Variants in CNKSR3 observed in about 807,000 individuals in gnomAD.
CNKSR3 encodes CNKSR family member 3.
CNKSR3 carries 36 observed loss-of-function variants against 67.7 expected under a neutral mutation model. The observed-to-expected ratio is 0.53, with a 90% CI of 0.41 to 0.70. The LOEUF (loss-of-function observed/expected upper bound fraction) is 0.70. Ranked by LOEUF, CNKSR3 falls within the 30% of genes least tolerant of loss-of-function variation. The pLI, the probability that CNKSR3 is intolerant of heterozygous loss-of-function variation, is 0.00. For synonymous variants in CNKSR3, 281 were observed against 271.4 expected, an observed-to-expected ratio of 1.04 and a Z score of -0.35; for missense variants, 630 against 695.2, an observed-to-expected ratio of 0.91 and a Z score of 1.05.
chr6:154,479,916 G>A (rs1189844547), intron 1 of CNKSR3, among the ~76,000 whole-genome samples: 3 of 152,170 alleles, frequency 2.0e-5, no homozygotes, highest in Non-Finnish European at 4.4e-5. Context: ...TCCCTCACAC[G>A]GTGGTTAAGA....
rs1438792780 is a variant in CNKSR3 at position 154,394,226 on chromosome 6, C to G, written c.*12128G>C. On this transcript the variant is annotated 3_prime_UTR_variant, in exon 13 of 13. Transcript: ENST00000607772. ...GATAGGGTCTCACTATGGTGCCCAG[C>G]TGGTCTTGAACTTCTGGTCTCAAGC... 6.6e-6 allele frequency: 1 copy of G among 152,270 alleles called. No homozygotes were observed. Among genetic ancestry groups the G allele is most frequent in the East Asian group, 1.9e-4 (1 of 5,204 alleles). 9.4% of individuals were successfully genotyped at this position (152,270 alleles called of 1,614,324 possible).
intron 1 of CNKSR3, among the ~76,000 whole-genome samples, chr6:154,453,956 A>T (rs1366118157): frequency 6.6e-6 from 1 of 152,124 alleles, no homozygotes; most frequent in Non-Finnish European, 1.5e-5. Context: ...ACATAATTAA[A>T]TGTGAAGGAA....
chr6:154,436,326 C>A (rs1171673775), intron 4 of CNKSR3, among the ~76,000 whole-genome samples: 1 of 152,172 alleles, frequency 6.6e-6, no homozygotes, highest in Non-Finnish European at 1.5e-5. Flanking sequence ...CACACACCAC[C>A]ACGCTTGGCT....
intron 1 of CNKSR3, among the ~76,000 whole-genome samples, chr6:154,509,478 G>T (rs1292948441): frequency 6.6e-6 from 1 of 151,822 alleles, no homozygotes; most frequent in Non-Finnish European, 1.5e-5. Context: ...GCCTCCCGGG[G>T]AGTCCTGGCT....
chr6:154,435,780 C>A (rs1785458889), intron 4 of CNKSR3, among the ~76,000 whole-genome samples: 1 of 152,228 alleles, frequency 6.6e-6, no homozygotes, highest in Admixed American at 6.5e-5. Context: ...CTCAGCACCC[C>A]CCTGCCTCTC....
chr6:154,452,134 A>C (rs1785848019), intron 1 of CNKSR3, among the ~76,000 whole-genome samples: 1 of 152,194 alleles, frequency 6.6e-6, no homozygotes, highest in Admixed American at 6.5e-5. Context: ...CAGCCTCCTA[A>C]CTATTTTGTT....
rs186911920 is a variant in CNKSR3, at chr6:154,410,432, C to T, written c.1280G>A (p.Gly427Asp). ...AGGCATGGACAAAGGCCGTGGCTTG[C>T]CTTCAGAGGGACGAGAAAGAAGGTG... ...TKMREKTPSY[G>D]KPRPLSMPAD... The change falls in exon 12 of 13, where the codon GGC (glycine) becomes GAC (aspartate). Residue 427 changes from glycine to aspartate, a missense_variant and splice_region_variant. Physicochemically the swap from Gly to Asp is moderately conservative, Grantham distance 94. Coordinates refer to ENST00000607772, the MANE Select transcript of CNKSR3 (RefSeq NM_173515.4). 3.1e-4 allele frequency: 495 copies of T among 1,611,552 alleles called. No homozygotes were observed. Among genetic ancestry groups the T allele is most frequent in the Admixed American group, 1.4e-3 (82 of 59,998 alleles).
In CNKSR3 at chr6:154,450,005, T is replaced by A. The variant is rs138714206; in HGVS notation, c.216+90A>T. The A allele has an allele frequency of 3.9e-4, 477 of 1,213,382 alleles. 5 individuals are homozygous for A. In the East Asian group the frequency reaches 0.01, roughly 26 times the overall value. 75.2% of individuals were successfully genotyped at this position (1,213,382 alleles called of 1,614,324 possible). ...TTTTGATGGAGCATTAAGGAAAGAG[T>A]GATATGCTAAATCACAAACAATGAC... On this transcript the variant is annotated intron_variant, in intron 2 of 12. Transcript: ENST00000607772.
Position 154,411,675 on chromosome 6 carries a change from T to C in CNKSR3, c.1071-533A>G, listed in dbSNP as rs544385960. Among the ~76,000 whole-genome samples the C allele has an allele frequency of 2.6e-5, 4 of 152,092 alleles. No individual in the cohort carries two copies. In the East Asian group the frequency reaches 7.7e-4, roughly 29 times the overall value. ...AAAAAGAAGAGTAAATGCAGGGTTT[T>C]TTTTAATATCCAAACAAATATAGCT... is the stretch of plus-strand genomic sequence containing the variant. On this transcript the variant is annotated intron_variant, in intron 10 of 12. Transcript: ENST00000607772.
chr6:154,439,111 G>A (rs185855223), intron 4 of CNKSR3, among the ~76,000 whole-genome samples: 3 of 152,112 alleles, frequency 2.0e-5, no homozygotes, highest in Admixed American at 1.3e-4. Flanking sequence ...CTCTAGGCAC[G>A]TATCTCAAAC....
At position 154,400,438 on chromosome 6, in the gene CNKSR3, G is replaced by A. The variant is rs1406545136; in HGVS notation, c.*5916C>T. ...ATGGCCAAGTCACAACCAGAATTGA[G>A]TCCTTAATCACTGACCCCATGTGTA... On this transcript the variant is annotated 3_prime_UTR_variant, in exon 13 of 13. Transcript: ENST00000607772. 2.6e-5 allele frequency: 4 copies of A among 152,196 alleles called. No homozygotes were observed. Among genetic ancestry groups the A allele is most frequent in the Non-Finnish European group, 5.9e-5 (4 of 68,042 alleles). 9.4% of individuals were successfully genotyped at this position (152,196 alleles called of 1,614,324 possible).
At chr6:154,481,670 C>A (rs1177231266) in intron 1 of CNKSR3, among the ~76,000 whole-genome samples, 1 of 152,098 alleles carries the variant, frequency 6.6e-6, no homozygotes, top group Non-Finnish European at 1.5e-5. Context: ...GTGTTTTGTT[C>A]TTTTTAAAGG....
intron 1 of CNKSR3, among the ~76,000 whole-genome samples, chr6:154,491,310 A>G (rs13217240): frequency 0.25 from 38,739 of 152,124 alleles, 5,049 homozygotes; most frequent in Admixed American, 0.33. Context: ...AAACAAAGAC[A>G]GCCCCTGTCT....
chr6:154,452,974 C>G (rs1327500415), intron 1 of CNKSR3, among the ~76,000 whole-genome samples: 1 of 152,094 alleles, frequency 6.6e-6, no homozygotes, highest in Admixed American at 6.6e-5. Flanking sequence ...TTATGGCAGC[C>G]GAAGCAACAT....
chr6:154,404,390 C>G lies in CNKSR3; in HGVS notation c.*1964G>C, dbSNP rs1784750902. On this transcript the variant is annotated 3_prime_UTR_variant, in exon 13 of 13. Transcript: ENST00000607772. Reference sequence around the variant, plus strand: ...GATTTTTAGTAGAGACAGGGTTTCACCATGTTGGCCAGGCTGGTCTTGAAC... The same window carrying G: ...GATTTTTAGTAGAGACAGGGTTTCAGCATGTTGGCCAGGCTGGTCTTGAAC... 1 of 152,256 alleles carries G rather than the reference C, an allele frequency of 6.6e-6. No homozygotes were observed. Among genetic ancestry groups the G allele is most frequent in the South Asian group, 2.1e-4 (1 of 4,818 alleles). The allele number at this position is 152,256 out of a possible 1,614,324, so 9.4% of individuals were successfully genotyped here.
intron 1 of CNKSR3, among the ~76,000 whole-genome samples, chr6:154,453,809 T>A (rs1051579375): frequency 1.3e-5 from 2 of 152,224 alleles, no homozygotes; most frequent in African/African-American, 4.8e-5. Context: ...ATAAACCATA[T>A]TCTTTTACTT....
At position 154,388,741 on chromosome 6, in the gene CNKSR3, G is replaced by T. The variant is rs1784576184; in HGVS notation, c.*17613C>A. On this transcript the variant is annotated 3_prime_UTR_variant, in exon 13 of 13. Transcript: ENST00000607772. Reference sequence around the variant, plus strand: ...AGAGTTGATATCTCACGGTGGTTTTGATTTGCATTGCCCTGATGATCAGTG... The same window carrying T: ...AGAGTTGATATCTCACGGTGGTTTTTATTTGCATTGCCCTGATGATCAGTG... 6.6e-6 allele frequency: 1 copy of T among 152,084 alleles called. No homozygotes were observed. Among genetic ancestry groups the T allele is most frequent in the Non-Finnish European group, 1.5e-5 (1 of 68,028 alleles). 9.4% of individuals were successfully genotyped at this position (152,084 alleles called of 1,614,324 possible). A position where few individuals can be genotyped will look rare whatever the true frequency, so the allele number is the denominator to read the frequency against.
At chr6:154,430,952 T>C (rs1467582404) in intron 5 of CNKSR3, among the ~76,000 whole-genome samples, 2 of 134,302 alleles carry the variant, frequency 1.5e-5, no homozygotes, top group Non-Finnish European at 3.2e-5. Flanking sequence ...ATTGACAAGG[T>C]AAAAAAAAAA....
chr6:154,441,202 C>A, intron 4 of CNKSR3, 90 bp downstream of exon 4: 1 of 920,706 alleles, frequency 1.1e-6, no homozygotes, highest in Non-Finnish European at 1.6e-6. Context: ...GAGAGTAGTA[C>A]TTCATACCTG....
Sources: allele counts gnomAD v4.1 joint callset (sites outside exome capture counted in the v4.1 genomes callset), GRCh38; gene constraint gnomAD v4.1.1; transcripts MANE v1.5; gene names NCBI Gene and HGNC (gene_info 2026-07-23, HGNC 2026-07-21).